The following UCK2 variants were observed in gnomAD, a reference collection of about 807,000 sequenced individuals.
The protein encoded by UCK2 is uridine-cytidine kinase 2.
UCK2 carries 6 observed loss-of-function variants against 30.8 expected under a neutral mutation model. The ratio of observed to expected loss-of-function variants is 0.19; its 90% CI spans 0.11 to 0.38. The LOEUF (loss-of-function observed/expected upper bound fraction) is 0.38. UCK2 is among the 10% of genes least tolerant of loss of function. UCK2 has a pLI of 1.00. For missense variants in UCK2, 210 were observed against 339.8 expected (o/e 0.62, Z 3.00); for synonymous variants, 125 against 133.6 (o/e 0.94, Z 0.45).
At chr1:165,842,940 G>A (rs1452224640) in intron 1 of UCK2, among the ~76,000 whole-genome samples, 1 of 152,176 alleles carries the variant, frequency 6.6e-6, no homozygotes. Flanking sequence ...CTCCACACTA[G>A]TGCACGTGTG....
intron 1 of UCK2, chr1:165,885,522 C>G (rs974293957): frequency 2.6e-6 from 1 of 391,048 alleles, no homozygotes; most frequent in Non-Finnish European, 4.5e-6. Context: ...TTAACCCTCC[C>G]GACTCCAATT....
In UCK2 at chr1:165,890,162, G is replaced by C. The variant is rs767133859; in HGVS notation, c.100-42G>C. ...TCGGGACTTCCTCTGTACCACACGT[G>C]CCCTTTCTCTTATTCCTGGGTGCTC... On this transcript the variant is annotated intron_variant, in intron 1 of 6. Transcript: ENST00000367879. The C allele has an allele frequency of 2.5e-6, 4 of 1,610,356 alleles. No individual in the cohort carries two copies. In the African/African-American group the frequency reaches 5.4e-5, roughly 22 times the overall value.
chr1:165,832,071 A>G (rs956022742), intron 1 of UCK2, among the ~76,000 whole-genome samples: 1 of 151,918 alleles, frequency 6.6e-6, no homozygotes, highest in Non-Finnish European at 1.5e-5. Context: ...GCCCGGCCTT[A>G]TTTTTCTACA....
chr1:165,838,081 C>T (rs992202909), intron 1 of UCK2, among the ~76,000 whole-genome samples: 1 of 152,216 alleles, frequency 6.6e-6, no homozygotes, highest in African/African-American at 2.4e-5. Flanking sequence ...GATCCATTCC[C>T]TTAGGAAATC....
At chr1:165,862,486 G>A (rs1316844159) in intron 1 of UCK2, among the ~76,000 whole-genome samples, 8 of 152,294 alleles carry the variant, frequency 5.3e-5, no homozygotes, top group Middle Eastern at 3.4e-3. Context: ...TTCACAGCCC[G>A]TCTGAAGTGC....
chr1:165,887,420 A>C (rs1655643363), intron 1 of UCK2, among the ~76,000 whole-genome samples: 1 of 152,202 alleles, frequency 6.6e-6, no homozygotes, highest in Non-Finnish European at 1.5e-5. Flanking sequence ...GGGTTAAGGG[A>C]AACAGTAGTT....
chr1:165,838,018 C>A (rs565522438), intron 1 of UCK2, among the ~76,000 whole-genome samples: 3 of 152,182 alleles, frequency 2.0e-5, no homozygotes, highest in Admixed American at 6.6e-5. Flanking sequence ...AGAGTGTTGA[C>A]GTTGGACTGT....
chr1:165,872,476 C>T (rs907630444), intron 1 of UCK2, among the ~76,000 whole-genome samples: 3 of 152,132 alleles, frequency 2.0e-5, no homozygotes, highest in Non-Finnish European at 2.9e-5. Flanking sequence ...GGAAATAGTA[C>T]ATTATATATA....
Position 165,907,741 on chromosome 1 carries a change from A to G in UCK2, c.704A>G (p.Lys235Arg), listed in dbSNP as rs1647716505. ...GACATCCTGAATGGAGGGCCCTCCAAACGGCAGACCAATGGCTGTCTCAAC... is the reference window on the plus strand; with the variant it reads ...GACATCCTGAATGGAGGGCCCTCCAGACGGCAGACCAATGGCTGTCTCAAC... Reference protein sequence around the residue: ...IQDILNGGPSKRQTNGCLNGY... With the variant: ...IQDILNGGPSRRQTNGCLNGY... The change falls in exon 7 of 7, where the codon AAA (lysine) becomes AGA (arginine). Residue 235 changes from lysine (K) to arginine (R), a missense_variant. Physicochemically the swap from Lys to Arg is conservative, Grantham distance 26. Around this residue, in one of 4 missense-constraint regions of UCK2, gnomAD observed 38 missense variants for 45.4 expected, o/e 0.84. Transcript: ENST00000367879. 5.6e-6 allele frequency: 9 copies of G among 1,614,090 alleles called. No homozygotes were observed. Among genetic ancestry groups the G allele is most frequent in the Non-Finnish European group, 7.6e-6 (9 of 1,180,024 alleles).
intron 1 of UCK2, among the ~76,000 whole-genome samples, chr1:165,831,617 A>C (rs1190848414): frequency 1.3e-5 from 2 of 152,166 alleles, no homozygotes; most frequent in African/African-American, 4.8e-5. Flanking sequence ...CTGCCATCAG[A>C]GTGGTCTTCC....
intron 1 of UCK2, among the ~76,000 whole-genome samples, chr1:165,855,523 T>C (rs1000166298): frequency 2.1e-4 from 32 of 151,256 alleles, no homozygotes; most frequent in Non-Finnish European, 5.9e-5. Flanking sequence ...TTTTTTTTTT[T>C]TTTTTCTTGC....
chr1:165,879,737 C>T (rs755040577), intron 1 of UCK2, among the ~76,000 whole-genome samples: 1 of 151,668 alleles, frequency 6.6e-6, no homozygotes, highest in Non-Finnish European at 1.5e-5. Flanking sequence ...TGATGAATGA[C>T]GAATTCAGCA....
intron 3 of UCK2, among the ~76,000 whole-genome samples, chr1:165,893,247 T>C (rs1186160508): frequency 6.6e-6 from 1 of 152,182 alleles, no homozygotes; most frequent in Admixed American, 6.5e-5. Flanking sequence ...ATGAGTTCCA[T>C]CAAGTTGATA....
intron 1 of UCK2, among the ~76,000 whole-genome samples, chr1:165,882,924 A>G (rs2101877416): frequency 6.6e-6 from 1 of 152,234 alleles, no homozygotes; most frequent in Non-Finnish European, 1.5e-5. Flanking sequence ...TCCCGGGTTC[A>G]AGCGATCCTC....
At chr1:165,853,338 T>C (rs1039369981) in intron 1 of UCK2, among the ~76,000 whole-genome samples, 3 of 152,046 alleles carry the variant, frequency 2.0e-5, no homozygotes, top group African/African-American at 7.3e-5. Context: ...TACCCTTCAC[T>C]TGTCAGGCAT....
intron 4 of UCK2, chr1:165,902,979 T>A (rs530732297): frequency 2.3e-6 from 1 of 433,822 alleles, no homozygotes; most frequent in South Asian, 4.2e-5. Flanking sequence ...ATTGCCAAGT[T>A]TGACCATTGT....
rs1036952051 is a variant in UCK2 at position 165,908,882 on chromosome 1, CTCTG to C, written c.*1065_*1068del. On this transcript the variant is annotated 3_prime_UTR_variant, in exon 7 of 7. Transcript: ENST00000367879. ...AGCGCCTCATGGAGTGGCAGGGGAG[CTCTG>C]TCTGTGGAGGGGTAGTAGTTTCCGC... 1.3e-5 allele frequency: 2 copies of C among 152,382 alleles called. No individual in the cohort carries two copies. Among genetic ancestry groups the C allele is most frequent in the African/African-American group, 4.8e-5 (2 of 41,358 alleles). 9.4% of individuals were successfully genotyped at this position (152,382 alleles called of 1,614,324 possible).
chr1:165,871,233 C>G (rs761880063), intron 1 of UCK2, among the ~76,000 whole-genome samples: 1 of 152,196 alleles, frequency 6.6e-6, no homozygotes, highest in Non-Finnish European at 1.5e-5. Flanking sequence ...GGATTTCATA[C>G]TCTTAACAGG....
At chr1:165,878,091 C>T (rs552969487) in intron 1 of UCK2, among the ~76,000 whole-genome samples, 5 of 152,138 alleles carry the variant, frequency 3.3e-5, no homozygotes, top group Non-Finnish European at 5.9e-5. Context: ...TAGCATCATA[C>T]AGAATAGTTT....
Sources: gnomAD v4.1 joint callset for allele counts (sites outside exome capture counted in the v4.1 genomes callset) on GRCh38, gnomAD v4.1.1 for gene constraint, gnomAD v4.1.1 regional missense constraint, MANE v1.5 for transcripts, NCBI Gene and HGNC (gene_info 2026-07-23, HGNC 2026-07-21) for gene names.